Variants in CENPQ observed in about 807,000 individuals in gnomAD.
CENPQ encodes the protein centromere protein Q.
Under a neutral mutation model 36.6 loss-of-function variants are expected in CENPQ, and 27 were observed. That is an observed-to-expected ratio of 0.74 (90% CI 0.54 to 1.02). The LOEUF is 1.02. Among genes scored for constraint, CENPQ ranks in the 50% least tolerant of loss-of-function variants. CENPQ has a pLI of 0.00. For synonymous variants in CENPQ, 101 were observed against 101.7 expected (o/e 0.99, Z 0.04); for missense variants, 306 against 301.8 (o/e 1.01, Z -0.10).
intron 5 of CENPQ, among the ~76,000 whole-genome samples, chr6:49,480,333 T>C (rs995080965): frequency 1.3e-5 from 2 of 152,236 alleles, no homozygotes; most frequent in Non-Finnish European, 2.9e-5. Context: ...ATGTTTCTAC[T>C]GGTGATCAAC....
At chr6:49,477,556 T>TA (rs1349736291) in intron 5 of CENPQ, among the ~76,000 whole-genome samples, 2 of 150,438 alleles carry the variant, frequency 1.3e-5, no homozygotes, top group Non-Finnish European at 2.9e-5. Flanking sequence ...CCCTAGAACT[T>TA]AAAGTATAAT....
intron 5 of CENPQ, among the ~76,000 whole-genome samples, chr6:49,473,878 G>A (rs1768208277): frequency 6.6e-6 from 1 of 152,114 alleles, no homozygotes; most frequent in African/African-American, 2.4e-5. Flanking sequence ...CCTAGTCTCT[G>A]ATAAAACAGA....
At chr6:49,479,594 A>T (rs1410330796) in intron 5 of CENPQ, among the ~76,000 whole-genome samples, 1 of 152,166 alleles carries the variant, frequency 6.6e-6, no homozygotes, top group Non-Finnish European at 1.5e-5. Context: ...CTTAAAACAG[A>T]ACTACCATCC....
chr6:49,463,701 C>G (rs554220678), intron 1 of CENPQ, among the ~76,000 whole-genome samples: 1 of 152,158 alleles, frequency 6.6e-6, no homozygotes, highest in Non-Finnish European at 1.5e-5. Flanking sequence ...ATGGCTCATC[C>G]TCATTGCTAA....
At chr6:49,475,414 G>A (rs1184073720) in intron 5 of CENPQ, among the ~76,000 whole-genome samples, 1 of 152,158 alleles carries the variant, frequency 6.6e-6, no homozygotes, top group African/African-American at 2.4e-5. Context: ...GGTATTGAGG[G>A]GATGTATCTG....
At chr6:49,464,440 G>A (rs1325615624) in intron 1 of CENPQ, among the ~76,000 whole-genome samples, 2 of 152,142 alleles carry the variant, frequency 1.3e-5, no homozygotes, top group African/African-American at 4.8e-5. Context: ...TGCTGTGGCA[G>A]TTTCTTAAAA....
At chr6:49,465,751 A>G (rs1767985993) in intron 1 of CENPQ, among the ~76,000 whole-genome samples, 1 of 152,206 alleles carries the variant, frequency 6.6e-6, no homozygotes, top group Non-Finnish European at 1.5e-5. Context: ...AGACCTTGCC[A>G]TGAATTCGTC....
Position 49,491,714 on chromosome 6 carries a change from G to A in CENPQ, c.676-430G>A, listed in dbSNP as rs554394803. Among the ~76,000 whole-genome samples the A allele has an allele frequency of 1.6e-3, 243 of 152,206 alleles. 2 individuals are homozygous for A. The highest frequency in any genetic ancestry group is 5.1e-3 in the African/African-American group (212 of 41,530). On this transcript the variant is annotated intron_variant, in intron 8 of 8. Coordinates refer to ENST00000335783, the MANE Select transcript of CENPQ (RefSeq NM_018132.4). ...GCGGATTGCCTGAGGTCAGGAGTTC[G>A]AGAACAGCCTGACCAACATGGAGAA...
At chr6:49,490,866 T>C (rs1768706516) in intron 8 of CENPQ, among the ~76,000 whole-genome samples, 1 of 152,196 alleles carries the variant, frequency 6.6e-6, no homozygotes, top group African/African-American at 2.4e-5. Flanking sequence ...AGTTCACTGT[T>C]TGATATGGTT....
At chr6:49,481,461 C>T (rs970678331) in intron 6 of CENPQ, among the ~76,000 whole-genome samples, 1 of 152,096 alleles carries the variant, frequency 6.6e-6, no homozygotes, top group South Asian at 2.1e-4. Flanking sequence ...AGCTGCAGAC[C>T]TTCGCGGTGA....
chr6:49,480,857 TAAGAATATGAGGAC>T (rs1193244669), intron 5 of CENPQ, 80 bp from the exon 6 acceptor site: 10 of 824,228 alleles, frequency 1.2e-5, no homozygotes, highest in Non-Finnish European at 1.8e-5. Flanking sequence ...ATTGTACCCT[TAAGAATATGAGGAC>T]AAGAAAAAAT....
intron 5 of CENPQ, among the ~76,000 whole-genome samples, chr6:49,480,614 A>G (rs1484298960): frequency 2.0e-5 from 3 of 152,160 alleles, no homozygotes; most frequent in African/African-American, 7.2e-5. Flanking sequence ...TGTATAATAG[A>G]CTCATGTAGT....
At chr6:49,482,774 T>C (rs1260730452) in intron 6 of CENPQ, among the ~76,000 whole-genome samples, 2 of 152,098 alleles carry the variant, frequency 1.3e-5, no homozygotes, top group Non-Finnish European at 2.9e-5. Context: ...TCTCACTGAC[T>C]TCAAGAATGA....
Position 49,488,702 on chromosome 6 carries a change from A to G in CENPQ, c.675+18A>G, listed in dbSNP as rs1295747376. The G allele has an allele frequency of 6.3e-6, 10 of 1,592,212 alleles. No homozygotes were observed. Among genetic ancestry groups the G allele is most frequent in the East Asian group, 2.2e-5 (1 of 44,766 alleles). On this transcript the variant is annotated intron_variant, in intron 8 of 8. Transcript: ENST00000335783. ...CACTTCAGGTAAGTGCCTATTTACC[A>G]TATTGATTACAGGCATACTTTAGAG...
intron 6 of CENPQ, 77 bp from the exon 7 acceptor site, chr6:49,488,275 A>G (rs1399834233): frequency 9.1e-7 from 1 of 1,098,308 alleles, no homozygotes; most frequent in Non-Finnish European, 1.3e-6. Context: ...TAAAATGTGT[A>G]TGTATAACAA....
At chr6:49,477,069 G>A (rs1280827069) in intron 5 of CENPQ, among the ~76,000 whole-genome samples, 1 of 152,024 alleles carries the variant, frequency 6.6e-6, no homozygotes, top group African/African-American at 2.4e-5. Context: ...CCCATTACTG[G>A]GTATATACTC....
intron 5 of CENPQ, 26 bp from the exon 6 acceptor site, chr6:49,480,925 A>G (rs757703082): frequency 1.3e-6 from 2 of 1,523,186 alleles, no homozygotes; most frequent in South Asian, 1.2e-5. Context: ...AATAAACAAA[A>G]TAATTGTTTT....
intron 1 of CENPQ, 99 bp from the exon 2 acceptor site, chr6:49,470,060 T>G (rs932151985): frequency 2.8e-5 from 15 of 543,860 alleles, no homozygotes; most frequent in Admixed American, 7.7e-5. Flanking sequence ...AAAGAGAATG[T>G]GGAACATTTA....
intron 3 of CENPQ, 46 bp downstream of exon 3, chr6:49,471,074 T>C: frequency 8.8e-7 from 1 of 1,138,790 alleles, no homozygotes; most frequent in Non-Finnish European, 1.2e-6. Flanking sequence ...TATATCAAGC[T>C]ATATCTACAT....
Sources: allele counts gnomAD v4.1 joint callset (sites outside exome capture counted in the v4.1 genomes callset), GRCh38; gene constraint gnomAD v4.1.1; transcripts MANE v1.5; gene names NCBI Gene and HGNC (gene_info 2026-07-23, HGNC 2026-07-21).